The following HS6ST3 variants were observed in gnomAD, a reference collection of about 807,000 sequenced individuals.
The protein encoded by HS6ST3 is heparan sulfate 6-O-sulfotransferase 3.
HS6ST3 carries 12 observed loss-of-function variants against 36.7 expected under a neutral mutation model. The ratio of observed to expected loss-of-function variants is 0.33; its 90% confidence interval spans 0.21 to 0.53. The LOEUF (loss-of-function observed/expected upper bound fraction) is 0.53, where lower values mean the gene tolerates loss of function less well. Ranked by LOEUF, HS6ST3 falls within the 20% of genes least tolerant of loss-of-function variation. The pLI is 0.95. For missense variants in HS6ST3, 584 were observed against 640.9 expected, an observed-to-expected ratio of 0.91 and a Z score of 0.96; for synonymous variants, 240 against 257.5, an observed-to-expected ratio of 0.93 and a Z score of 0.65.
At chr13:96,481,135 C>T (rs2055888212) in intron 1 of HS6ST3, among the ~76,000 whole-genome samples, 1 of 151,992 alleles carries the variant, frequency 6.6e-6, no homozygotes, top group South Asian at 2.1e-4. Flanking sequence ...GAATTAACTC[C>T]CAAGTACCTC....
chr13:96,234,520 C>T (rs1224546554), intron 1 of HS6ST3, among the ~76,000 whole-genome samples: 1 of 152,098 alleles, frequency 6.6e-6, no homozygotes, highest in Admixed American at 6.5e-5. Context: ...TTCCATATGG[C>T]TGGGGAGGCC....
chr13:96,690,236 G>A (rs555164128), intron 1 of HS6ST3, among the ~76,000 whole-genome samples: 1 of 152,236 alleles, frequency 6.6e-6, no homozygotes, highest in East Asian at 1.9e-4. Flanking sequence ...ACAGAGAATT[G>A]ATGGACTCTG....
rs1005091132 is a variant in HS6ST3 at position 96,837,393 on chromosome 13, A to C, written c.*4195A>C. Reference sequence around the variant, plus strand: ...TCATTACACCACTTGCTAGTTTGGGATGGAGAGTCAGATATGTTGAAAGAT... The same window carrying C: ...TCATTACACCACTTGCTAGTTTGGGCTGGAGAGTCAGATATGTTGAAAGAT... On this transcript the variant is annotated 3_prime_UTR_variant, in exon 2 of 2. Transcript: ENST00000376705. 1 of 151,884 alleles carries C rather than the reference A, an allele frequency of 6.6e-6. No individual in the cohort carries two copies. The highest frequency in any genetic ancestry group is 6.6e-5 in the Admixed American group (1 of 15,234). The allele number at this position is 151,884 out of a possible 1,614,324, so 9.4% of individuals were successfully genotyped here. A position where few individuals can be genotyped will look rare whatever the true frequency, so the allele number is the denominator to read the frequency against.
chr13:96,779,400 G>A (rs1877471882), intron 1 of HS6ST3, among the ~76,000 whole-genome samples: 1 of 151,888 alleles, frequency 6.6e-6, no homozygotes, highest in Admixed American at 6.6e-5. Flanking sequence ...TTTGTCCTAT[G>A]GGAATGGGCT....
At chr13:96,229,480 A>G (rs2054497362) in intron 1 of HS6ST3, among the ~76,000 whole-genome samples, 1 of 152,158 alleles carries the variant, frequency 6.6e-6, no homozygotes, top group Non-Finnish European at 1.5e-5. Flanking sequence ...GCTCACAGAT[A>G]GCTCCCTTCT....
intron 1 of HS6ST3, among the ~76,000 whole-genome samples, chr13:96,370,924 A>G (rs935755807): frequency 6.6e-6 from 1 of 152,224 alleles, no homozygotes; most frequent in African/African-American, 2.4e-5. Context: ...AAAATAAAAA[A>G]TAAAAATGTC....
Position 96,749,048 on chromosome 13 carries a change from G to C in HS6ST3, c.708-83442G>C, listed in dbSNP as rs545994364. ...CGTCCTTCCATTTTTTCTCTGCTCT[G>C]TTAATTTCTCACAAAACTAAAATTA... On this transcript the variant is annotated intron_variant, in intron 1 of 1. Transcript: ENST00000376705. Among the ~76,000 whole-genome samples, 51 of 152,088 alleles carry C rather than the reference G, an allele frequency of 3.4e-4. 1 individual carries two copies. In the South Asian group the frequency reaches 1.0e-2, roughly 30 times the overall value.
At chr13:96,737,587 T>G (rs1876318067) in intron 1 of HS6ST3, among the ~76,000 whole-genome samples, 1 of 124,638 alleles carries the variant, frequency 8.0e-6, no homozygotes, top group Non-Finnish European at 1.6e-5. Context: ...ATTGCGCCAC[T>G]GCAGTCCGCA....
chr13:96,497,568 C>T (rs901282642), intron 1 of HS6ST3, among the ~76,000 whole-genome samples: 3 of 152,162 alleles, frequency 2.0e-5, no homozygotes, highest in African/African-American at 7.2e-5. Context: ...ACTCCTCCCC[C>T]AGCCCCTTTG....
chr13:96,286,044 CCT>C (rs1005655414), intron 1 of HS6ST3, among the ~76,000 whole-genome samples: 7 of 141,898 alleles, frequency 4.9e-5, no homozygotes, highest in African/African-American at 1.8e-4. Context: ...TCTTTCTCTT[CCT>C]CTCTTTTTCT....
At chr13:96,808,116 A>G (rs1184419676) in intron 1 of HS6ST3, among the ~76,000 whole-genome samples, 1 of 152,220 alleles carries the variant, frequency 6.6e-6, no homozygotes, top group East Asian at 1.9e-4. Flanking sequence ...TAAGACAAAG[A>G]AAAAAGAGAC....
intron 1 of HS6ST3, among the ~76,000 whole-genome samples, chr13:96,416,815 C>T (rs1046060966): frequency 6.6e-5 from 10 of 150,520 alleles, no homozygotes; most frequent in African/African-American, 1.7e-4. Context: ...TGCAGTGGCA[C>T]GATCTCGGCT....
At chr13:96,322,328 T>C (rs1056015655) in intron 1 of HS6ST3, among the ~76,000 whole-genome samples, 5 of 150,712 alleles carry the variant, frequency 3.3e-5, no homozygotes, top group African/African-American at 1.2e-4. Flanking sequence ...GCGGATCACT[T>C]GAGCTCATGA....
chr13:96,469,508 G>C (rs1448134891), intron 1 of HS6ST3, among the ~76,000 whole-genome samples: 1 of 151,996 alleles, frequency 6.6e-6, no homozygotes, highest in East Asian at 1.9e-4. Flanking sequence ...CTTGCCATTG[G>C]CCTGTATTTC....
chr13:96,528,886 T>A (rs908820673), intron 1 of HS6ST3, among the ~76,000 whole-genome samples: 1 of 152,144 alleles, frequency 6.6e-6, no homozygotes, highest in Non-Finnish European at 1.5e-5. Flanking sequence ...TTTCTTTTTT[T>A]AGGCCAGACA....
chr13:96,806,119 G>C (rs1878193217), intron 1 of HS6ST3, among the ~76,000 whole-genome samples: 1 of 152,204 alleles, frequency 6.6e-6, no homozygotes, highest in African/African-American at 2.4e-5. Context: ...CACATAGCTA[G>C]AGGTGGGATT....
chr13:96,748,452 AGGAAAGTTTTTGGTCCT>A (rs930165328), intron 1 of HS6ST3, among the ~76,000 whole-genome samples: 20 of 152,140 alleles, frequency 1.3e-4, no homozygotes, highest in Non-Finnish European at 2.5e-4. Context: ...GTTAATATGG[AGGAAAGTTTTTGGTCCT>A]GGCTAATGAG....
chr13:96,576,392 AC>A (rs2056321402), intron 1 of HS6ST3, among the ~76,000 whole-genome samples: 1 of 152,206 alleles, frequency 6.6e-6, no homozygotes, highest in African/African-American at 2.4e-5. Flanking sequence ...AGATGGGGCA[AC>A]AATTACTCTT....
At chr13:96,196,983 C>T (rs1465626977) in intron 1 of HS6ST3, among the ~76,000 whole-genome samples, 1 of 152,208 alleles carries the variant, frequency 6.6e-6, no homozygotes, top group African/African-American at 2.4e-5. Context: ...GTTTATATTT[C>T]TGGCTCTGCC....
Sources: gnomAD v4.1 joint callset for allele counts (sites outside exome capture counted in the v4.1 genomes callset) on GRCh38, gnomAD v4.1.1 for gene constraint, MANE v1.5 for transcripts, NCBI Gene and HGNC (gene_info 2026-07-23, HGNC 2026-07-21) for gene names.